MTERF4: variants seen among roughly 807,000 people sequenced by gnomAD.
The protein encoded by MTERF4 is transcription termination factor 4, mitochondrial.
MTERF4 carries 17 observed loss-of-function variants against 22.5 expected under a neutral mutation model. The ratio of observed to expected loss-of-function variants is 0.75; its 90% confidence interval spans 0.52 to 1.13. The LOEUF is 1.13. Ranked by LOEUF, MTERF4 falls within the 50% of genes most tolerant of loss-of-function variation. The pLI is 0.00. For missense variants in MTERF4, 420 were observed against 466.8 expected (o/e 0.90, Z 0.92); for synonymous variants, 165 against 175.3 (o/e 0.94, Z 0.47).
the MTERF4 span, among the ~76,000 whole-genome samples, chr2:241,055,084 T>A: frequency 6.6e-6 from 1 of 151,504 alleles, no homozygotes; most frequent in Admixed American, 6.6e-5. Context: ...GCCACTGAAC[T>A]CCTACTTGGG....
At chr2:241,043,004 T>C in the MTERF4 span, among the ~76,000 whole-genome samples, 1 of 151,024 alleles carries the variant, frequency 6.6e-6, no homozygotes, top group South Asian at 2.1e-4. Context: ...CTGGGATCCA[T>C]GTATGTGCAG....
chr2:241,102,078 C>T (rs912788098), intron 1 of MTERF4, 175 bp downstream of exon 1: 27 of 792,074 alleles, frequency 3.4e-5, no homozygotes, highest in Middle Eastern at 3.6e-4. Flanking sequence ...AACTCTATAT[C>T]CCACAATAAT....
At chr2:241,084,304 T>C (rs908470049), downstream of MTERF4, among the ~76,000 whole-genome samples, 1 of 152,080 alleles carries the variant, frequency 6.6e-6, no homozygotes. Context: ...ACCCTGCTAA[T>C]TTTTGTATTT....
At chr2:241,052,801 GGGGGGCCCAAGCAGGGTACATGGGATGC>G in the MTERF4 span, among the ~76,000 whole-genome samples, 2 of 93,434 alleles carry the variant, frequency 2.1e-5, no homozygotes, top group South Asian at 4.3e-4. Context: ...GGTAAGGCCT[GGGGGGCCCAAGCAGGGTACATGGGATGC>G]CGGTGTCAGG....
chr2:241,052,160 A>C, the MTERF4 span: 3 of 1,611,450 alleles, frequency 1.9e-6, no homozygotes, highest in Non-Finnish European at 2.5e-6. Flanking sequence ...CGAGATAGGT[A>C]AGGTGGGTGG....
the MTERF4 span, chr2:241,051,834 G>A: frequency 6.4e-6 from 10 of 1,560,644 alleles, no homozygotes; most frequent in East Asian, 2.4e-5. The surrounding 1 kb of genome is among the most constrained non-coding windows in gnomAD (Gnocchi z 4.7). Context: ...TGCCCCTACC[G>A]CTTCACTGGG....
chr2:241,062,633 GC>G, the MTERF4 span, among the ~76,000 whole-genome samples: 2 of 152,204 alleles, frequency 1.3e-5, no homozygotes, highest in East Asian at 3.9e-4. Flanking sequence ...CCACTGCCCT[GC>G]CCCGACTCCA....
the MTERF4 span, among the ~76,000 whole-genome samples, chr2:241,052,855 G>T: frequency 1.1e-4 from 16 of 149,414 alleles, 1 homozygote; most frequent in East Asian, 1.2e-3. Flanking sequence ...GAGATGGCCG[G>T]GGGGCCGAGC....
chr2:241,078,361 A>G (rs562497238), intron 4 of MTERF4, among the ~76,000 whole-genome samples: 3 of 144,592 alleles, frequency 2.1e-5, no homozygotes, highest in Non-Finnish European at 4.5e-5. Flanking sequence ...GCAGCCTGGG[A>G]GACAGAACTA....
intron 2 of MTERF4, among the ~76,000 whole-genome samples, chr2:241,098,955 C>A (rs1199076099): frequency 6.6e-6 from 1 of 152,136 alleles, no homozygotes; most frequent in African/African-American, 2.4e-5. Context: ...CACTCCTATT[C>A]CTCACCTCCA....
the MTERF4 span, among the ~76,000 whole-genome samples, chr2:241,062,378 A>G: frequency 6.6e-6 from 1 of 152,258 alleles, no homozygotes; most frequent in Non-Finnish European, 1.5e-5. Context: ...CTCCCGCTTG[A>G]AAAGAAAGCT....
At chr2:241,061,317 G>T in the MTERF4 span, among the ~76,000 whole-genome samples, 1 of 152,326 alleles carries the variant, frequency 6.6e-6, no homozygotes, top group South Asian at 2.1e-4. Flanking sequence ...AAAGTGCAAT[G>T]AGGTACATTC....
the MTERF4 span, chr2:241,063,970 TC>T: frequency 7.3e-7 from 1 of 1,361,828 alleles, no homozygotes; most frequent in Non-Finnish European, 1.0e-6. Flanking sequence ...TCCCCCAGAC[TC>T]CCCCCTTGCA....
chr2:241,088,670 C>A, downstream of MTERF4: 1 of 475,104 alleles, frequency 2.1e-6, no homozygotes, highest in East Asian at 3.4e-5. Flanking sequence ...CCCACTCTCT[C>A]TCAAGGGAAA....
chr2:241,098,747 C>G (rs1404845989), intron 2 of MTERF4, among the ~76,000 whole-genome samples: 1 of 150,582 alleles, frequency 6.6e-6, no homozygotes, highest in Non-Finnish European at 1.5e-5. Context: ...ACATCAAATG[C>G]TATATGTACA....
intron 4 of MTERF4, among the ~76,000 whole-genome samples, chr2:241,076,349 T>A (rs1256213560): frequency 6.6e-6 from 1 of 152,228 alleles, no homozygotes; most frequent in East Asian, 1.9e-4. Context: ...TTCAGACTTA[T>A]TCCTAGGTAT....
At chr2:241,087,630 C>G (rs948731218), downstream of MTERF4, 53 of 1,436,788 alleles carry the variant, frequency 3.7e-5, no homozygotes, top group Admixed American at 1.2e-4. Context: ...CGTTCTGCTA[C>G]GAAACTGTAT....
chr2:241,045,713 CAAA>C, the MTERF4 span, among the ~76,000 whole-genome samples: 1 of 133,598 alleles, frequency 7.5e-6, no homozygotes. Flanking sequence ...AAAACATAGG[CAAA>C]AAAAAAAAAA....
At chr2:241,081,585 A>ATCAGG (rs140631844) in intron 4 of MTERF4, 94,046 of 927,318 alleles carry the variant, frequency 0.1, 8,715 homozygotes, top group East Asian at 0.33. Flanking sequence ...GCCACCCTGC[A>ATCAGG]TCAGGTCATC....
Sources: allele counts gnomAD v4.1 joint callset (sites outside exome capture counted in the v4.1 genomes callset), GRCh38; gene constraint gnomAD v4.1.1; non-coding constraint Gnocchi (gnomAD v3.1); transcripts MANE v1.5; gene names NCBI Gene and HGNC (gene_info 2026-07-23, HGNC 2026-07-21).